MVD: variants seen among roughly 807,000 people sequenced by gnomAD.
MVD encodes mevalonate diphosphate decarboxylase.
A neutral mutation model predicts 42.4 loss-of-function variants in MVD; 52 were observed. The ratio of observed to expected loss-of-function variants is 1.23; its 90% CI spans 0.98 to 1.55. MVD has a LOEUF of 1.55. MVD is among the 40% of genes most tolerant of loss of function. The probability of loss-of-function intolerance (pLI) is 0.00; values close to 1 mark genes in which losing one functional copy is unlikely to be tolerated. For synonymous variants in MVD, 287 were observed against 243.2 expected (o/e 1.18, Z -1.68); for missense variants, 663 against 572.1 (o/e 1.16, Z -1.62).
At chr16:88,661,828 ATT>A (rs1370965175) in intron 1 of MVD, among the ~76,000 whole-genome samples, 3 of 140,326 alleles carry the variant, frequency 2.1e-5, no homozygotes, top group African/African-American at 7.8e-5. Flanking sequence ...CTGAAAAACA[ATT>A]AGACAGTTTC....
At chr16:88,662,960 C>T in intron 1 of MVD, 51 bp downstream of exon 1, 1 of 1,566,270 alleles carries the variant, frequency 6.4e-7, no homozygotes, top group Non-Finnish European at 8.6e-7. Flanking sequence ...CCCCCGCGTA[C>T]CCGGCCTCGC....
chr16:88,653,281 G>A lies in MVD; in HGVS notation c.1122+19C>T. Reference sequence around the variant, plus strand: ...CAGGAAAGGAAACCCCGGGGTACTGGGTGAGCCCCAGGCCTCACCTGAGTG... The same window carrying A: ...CAGGAAAGGAAACCCCGGGGTACTGAGTGAGCCCCAGGCCTCACCTGAGTG... On this transcript the variant is annotated intron_variant, in intron 9 of 9. Transcript: ENST00000301012. The A allele has an allele frequency of 1.3e-6, 2 of 1,586,880 alleles. No homozygotes were observed. The highest frequency in any genetic ancestry group is 1.7e-6 in the Non-Finnish European group (2 of 1,168,168).
Position 88,652,483 on chromosome 16 carries a change from G to A in MVD, c.*42C>T, listed in dbSNP as rs775864376. The A allele has an allele frequency of 3.9e-6, 6 of 1,547,278 alleles. No individual in the cohort carries two copies. The African/African-American group carries it at 4.1e-5, about 11-fold the overall frequency. On this transcript the variant is annotated 3_prime_UTR_variant, in exon 10 of 10. Coordinates refer to ENST00000301012, the MANE Select transcript of MVD (RefSeq NM_002461.3). The stretch of plus-strand genomic sequence containing the variant: ...ACATCCGCTCCCTAGCTCCGGCGAG[G>A]CCACCCCTTCTCCAAGCGGCATGCG...
In MVD at chr16:88,654,753, T is replaced by C; in HGVS notation, c.952A>G (p.Thr318Ala). The C allele has an allele frequency of 6.2e-7, 1 of 1,601,790 alleles. No individual in the cohort carries two copies. Among genetic ancestry groups the C allele is most frequent in the Non-Finnish European group, 8.5e-7 (1 of 1,176,026 alleles). ...ACAGCAGCCACAAACTCAGCCACAG[T>C]GTCGTCCAGGGTGAAGATCACGGCA... ...PNAVIFTLDD[T>A]VAEFVAAVWH... is the part of the protein sequence containing the mutation. The change falls in exon 8 of 10, where the codon ACT becomes GCT. Residue 318 changes from threonine (T) to alanine (A), a missense_variant. Thr to Ala is a moderately conservative substitution (Grantham distance 58). Coordinates refer to ENST00000301012, the MANE Select transcript of MVD (RefSeq NM_002461.3).
chr16:88,655,055 G>T, intron 7 of MVD, 144 bp downstream of exon 7: 1 of 1,060,960 alleles, frequency 9.4e-7, no homozygotes, highest in Admixed American at 2.6e-5. Context: ...AACCCAGATG[G>T]TCAGTGAGCT....
At position 88,657,494 on chromosome 16, in the gene MVD, C is replaced by T. The variant is rs546959186; in HGVS notation, c.345G>A (p.Val115=). Residue 115 remains valine (V), a synonymous_variant, in exon 4 of 10, where the codon GTG becomes GTA. Coordinates refer to ENST00000301012, the MANE Select transcript of MVD (RefSeq NM_002461.3). ...SLSCKVHVAS[V]NNFPTAAGLA... The stretch of plus-strand genomic sequence containing the variant: ...GGCCCGCAGCCGTGGGGAAGTTGTT[C>T]ACCGATGCCACGTGCACCTTGCAGC... 2 of 1,612,604 alleles carry T rather than the reference C, an allele frequency of 1.2e-6. No homozygotes were observed. Among genetic ancestry groups the T allele is most frequent in the Admixed American group, 3.3e-5 (2 of 59,986 alleles).
chr16:88,655,892 C>A, intron 5 of MVD, 162 bp from the exon 6 acceptor site: 1 of 1,107,120 alleles, frequency 9.0e-7, no homozygotes, highest in Non-Finnish European at 1.3e-6. Flanking sequence ...GCAGGGGTGA[C>A]GCAGGGGCAA....
intron 9 of MVD, among the ~76,000 whole-genome samples, chr16:88,652,995 G>A (rs2142890046): frequency 6.6e-6 from 1 of 152,130 alleles, no homozygotes; most frequent in African/African-American, 2.4e-5. Flanking sequence ...GGGGTCCCAG[G>A]GACCCCAGCA....
At position 88,654,846 on chromosome 16, in the gene MVD, G is replaced by A. The variant is rs769506349; in HGVS notation, c.898-39C>T. The stretch of plus-strand genomic sequence containing the variant: ...CAGTCACCCTGGCTATTCACGTGGT[G>A]CCTGACCCTTGTCTCCCCAACCCTC... On this transcript the variant is annotated intron_variant, in intron 7 of 9. Transcript: ENST00000301012. 15 of 1,526,184 alleles carry A rather than the reference G, an allele frequency of 9.8e-6. No individual in the cohort carries two copies. In the East Asian group the frequency reaches 1.4e-4, roughly 14 times the overall value. The allele number at this position is 1,526,184 out of a possible 1,614,324, so 94.5% of individuals were successfully genotyped here.
chr16:88,655,996 A>G, intron 5 of MVD, 109 bp downstream of exon 5: 1 of 1,423,878 alleles, frequency 7.0e-7, no homozygotes, highest in Non-Finnish European at 9.4e-7. Flanking sequence ...CGCTGACCCC[A>G]GGAGCCAAGC....
intron 9 of MVD, 52 bp from the exon 10 acceptor site, chr16:88,652,657 G>A: frequency 1.3e-6 from 2 of 1,498,932 alleles, no homozygotes; most frequent in Non-Finnish European, 1.8e-6. Context: ...GCCTCATCCT[G>A]TGCCCAGCAT....
chr16:88,654,864 C>A, intron 7 of MVD, 57 bp from the exon 8 acceptor site: 1 of 1,483,154 alleles, frequency 6.7e-7, no homozygotes, highest in Non-Finnish European at 9.0e-7. Flanking sequence ...CTTGTCTCCC[C>A]AACCCTCTGG....
rs1218949753 is a variant in MVD at position 88,658,015 on chromosome 16, TGTG to T, written c.153_155del (p.Thr53del). 1 of 1,613,998 alleles carries T rather than the reference TGTG, an allele frequency of 6.2e-7. No individual in the cohort carries two copies. Among genetic ancestry groups the T allele is most frequent in the South Asian group, 1.1e-5 (1 of 91,088 alleles). ...TGAAGTCCTTGCTGATGACGGCTGTTGTGGTGGTTTTTAACTGAAAAGGAAACC... is the reference window on the plus strand; with the variant it reads ...TGAAGTCCTTGCTGATGACGGCTGTTGTGGTTTTTAACTGAAAAGGAAACC... On this transcript the variant is annotated inframe_deletion, in exon 3 of 10. Coordinates refer to ENST00000301012, the MANE Select transcript of MVD (RefSeq NM_002461.3).
At chr16:88,654,870 T>A in intron 7 of MVD, 63 bp from the exon 8 acceptor site, 1 of 1,463,700 alleles carries the variant, frequency 6.8e-7, no homozygotes, top group Non-Finnish European at 9.2e-7. Flanking sequence ...TCCCCAACCC[T>A]CTGGTCTGCC....
rs1159358652 is a variant in MVD at position 88,655,334 on chromosome 16, C to G, written c.762G>C (p.Gln254His). The change falls in exon 7 of 10, where the codon CAG becomes CAC. Residue 254 changes from glutamine to histidine, a missense_variant. By Grantham distance (24) the Gln-to-His change is conservative. Coordinates refer to ENST00000301012, the MANE Select transcript of MVD (RefSeq NM_002461.3). ...ACTGGTTGCTGTCCTTCATGGTCAG[C>G]TGGGCGAAGCTGGGGAAGTCTCGCT... ...IRERDFPSFAQLTMKDSNQFH... is the reference protein window; with the variant it reads ...IRERDFPSFAHLTMKDSNQFH... 2.5e-6 allele frequency: 4 copies of G among 1,601,450 alleles called. No homozygotes were observed. The highest frequency in any genetic ancestry group is 1.7e-6 in the Non-Finnish European group (2 of 1,174,398).
chr16:88,654,996 G>T (rs1021668890), intron 7 of MVD, 189 bp from the exon 8 acceptor site: 1 of 855,736 alleles, frequency 1.2e-6, no homozygotes, highest in Non-Finnish European at 1.8e-6. Flanking sequence ...CAGGAAGAAG[G>T]TGGTGGGGCC....
At chr16:88,657,027 T>G in intron 4 of MVD, 1 of 360,804 alleles carries the variant, frequency 2.8e-6, no homozygotes, top group South Asian at 2.1e-5. Flanking sequence ...CACAAAATCA[T>G]CGCTATTTTA....
chr16:88,654,621 C>G (rs1275296529), intron 8 of MVD, 71 bp downstream of exon 8: 8 of 1,467,650 alleles, frequency 5.5e-6, no homozygotes, highest in Admixed American at 2.3e-5. Context: ...CCTTCAGGTG[C>G]CTCCGTCTCT....
Position 88,652,255 on chromosome 16 carries a change from C to T in MVD, c.*270G>A, listed in dbSNP as rs1567612139. 3.5e-6 allele frequency: 2 copies of T among 574,874 alleles called. No homozygotes were observed. Among genetic ancestry groups the T allele is most frequent in the African/African-American group, 1.9e-5 (1 of 53,216 alleles). 35.6% of individuals were successfully genotyped at this position (574,874 alleles called of 1,614,324 possible). ...AGAAAGCCCTTCAGCCCTGCTGCAC[C>T]GAGGCTCTGCCAGTTCTCATACCCC... On this transcript the variant is annotated 3_prime_UTR_variant, in exon 10 of 10. Transcript: ENST00000301012.
Sources: allele counts gnomAD v4.1 joint callset (sites outside exome capture counted in the v4.1 genomes callset), GRCh38; gene constraint gnomAD v4.1.1; transcripts MANE v1.5; gene names NCBI Gene and HGNC (gene_info 2026-07-23, HGNC 2026-07-21).